The following FKTN variants were observed in gnomAD, a reference collection of about 807,000 sequenced individuals.
The protein encoded by FKTN is fukutin, also known as ribitol-5-phosphate transferase FKTN.
In FKTN, 47 loss-of-function variants were observed where a neutral mutation model predicts 58.6. The ratio of observed to expected loss-of-function variants is 0.80; its 90% CI spans 0.63 to 1.02. The LOEUF is 1.02. FKTN is among the 50% of genes least tolerant of loss of function. The pLI is 0.00. For synonymous variants in FKTN, 178 were observed against 191.9 expected, an observed-to-expected ratio of 0.93 and a Z score of 0.60; for missense variants, 516 against 537.3, an observed-to-expected ratio of 0.96 and a Z score of 0.39.
chr9:105,606,541 A>C lies in FKTN; in HGVS notation c.648-1278A>C, dbSNP rs181901044. ...TGTTACAGTCTACTTTGAATAGCAG[A>C]ATCTGATGTAAAGGTAGCAGTAAAT... On this transcript the variant is annotated intron_variant, in intron 6 of 10. Coordinates refer to ENST00000357998, the MANE Select transcript of FKTN (RefSeq NM_001079802.2). Among the ~76,000 whole-genome samples, 584 of 151,894 alleles carry C rather than the reference A, an allele frequency of 3.8e-3. 4 individuals carry two copies. Among genetic ancestry groups the C allele is most frequent in the African/African-American group, 0.013 (541 of 41,534 alleles).
intron 2 of FKTN, among the ~76,000 whole-genome samples, chr9:105,574,517 A>G (rs1841329140): frequency 6.6e-6 from 1 of 151,848 alleles, no homozygotes; most frequent in African/African-American, 2.4e-5. Context: ...AAAGCAACAA[A>G]GAGCTGTCTT....
chr9:105,558,876 A>G (rs1414577758), intron 1 of FKTN, among the ~76,000 whole-genome samples: 1 of 152,218 alleles, frequency 6.6e-6, no homozygotes, highest in African/African-American at 2.4e-5. Context: ...AAAGATATCA[A>G]ATGCAGGAAT....
chr9:105,630,202 A>T (rs1456189841), intron 10 of FKTN, among the ~76,000 whole-genome samples: 2 of 151,716 alleles, frequency 1.3e-5, no homozygotes, highest in Admixed American at 6.6e-5. Context: ...AAGTATAATT[A>T]AAAAAAAGAA....
At chr9:105,576,472 C>T (rs1251891858) in intron 3 of FKTN, among the ~76,000 whole-genome samples, 2 of 150,810 alleles carry the variant, frequency 1.3e-5, no homozygotes, top group South Asian at 2.1e-4. Flanking sequence ...CCAATTTCAT[C>T]CATGTCCCTA....
intron 3 of FKTN, among the ~76,000 whole-genome samples, chr9:105,578,594 G>A (rs535106162): frequency 1.3e-5 from 2 of 151,430 alleles, no homozygotes; most frequent in Non-Finnish European, 2.9e-5. Context: ...GAGGATTTTT[G>A]CATCAATGTT....
At chr9:105,617,392 G>A (rs1320031303) in intron 8 of FKTN, among the ~76,000 whole-genome samples, 5 of 151,942 alleles carry the variant, frequency 3.3e-5, no homozygotes, top group African/African-American at 7.3e-5. Context: ...TTTTTCATAC[G>A]GCCCATCAGG....
intron 3 of FKTN, among the ~76,000 whole-genome samples, chr9:105,596,373 A>G (rs1826805436): frequency 6.6e-6 from 1 of 152,232 alleles, no homozygotes; most frequent in Non-Finnish European, 1.5e-5. Context: ...CTTATTATTT[A>G]ATAACTTAAT....
Position 105,639,504 on chromosome 9 carries a change from C to A in FKTN, c.*4240C>A. 1 of 826,290 alleles carries A rather than the reference C, an allele frequency of 1.2e-6. No individual in the cohort carries two copies. Among genetic ancestry groups the A allele is most frequent in the Non-Finnish European group, 1.5e-6 (1 of 685,058 alleles). The allele number at this position is 826,290 out of a possible 1,614,324, so 51.2% of individuals were successfully genotyped here. A position where few individuals can be genotyped will look rare whatever the true frequency, so the allele number is the denominator to read the frequency against. Reference sequence around the variant, plus strand: ...AAGTATACAGTTCTTAGCCTCAGGCCTAGGATTAAGTAAGTACTCAAGAAA... The same window carrying A: ...AAGTATACAGTTCTTAGCCTCAGGCATAGGATTAAGTAAGTACTCAAGAAA... On this transcript the variant is annotated 3_prime_UTR_variant, in exon 11 of 11. Transcript: ENST00000357998.
chr9:105,611,811 A>G (rs1183553636), intron 7 of FKTN, among the ~76,000 whole-genome samples: 1 of 152,198 alleles, frequency 6.6e-6, no homozygotes, highest in African/African-American at 2.4e-5. Flanking sequence ...GAACACACAC[A>G]TGTATGTGTC....
Position 105,638,957 on chromosome 9 carries a change from T to A in FKTN, c.*3693T>A. On this transcript the variant is annotated 3_prime_UTR_variant, in exon 11 of 11. Coordinates refer to ENST00000357998, the MANE Select transcript of FKTN (RefSeq NM_001079802.2). ...ACCAGAGCTAAATCTGGAAAACACA[T>A]TTGGAATGAGCTTCCACACTTCAGT... The A allele has an allele frequency of 1.0e-6, 1 of 985,300 alleles. No individual in the cohort carries two copies. The highest frequency in any genetic ancestry group is 5.2e-4 in the Middle Eastern group (1 of 1,914). 61.0% of individuals were successfully genotyped at this position (985,300 alleles called of 1,614,324 possible).
chr9:105,630,787 G>C (rs910498874), intron 10 of FKTN, among the ~76,000 whole-genome samples: 2 of 152,028 alleles, frequency 1.3e-5, no homozygotes, highest in Non-Finnish European at 2.9e-5. Flanking sequence ...AACATTTTTT[G>C]ATAAATTTTA....
intron 10 of FKTN, among the ~76,000 whole-genome samples, chr9:105,632,674 G>T (rs1319911049): frequency 1.3e-5 from 2 of 151,708 alleles, no homozygotes; most frequent in Non-Finnish European, 2.9e-5. Flanking sequence ...ATCTGTGAGG[G>T]AAAAAAATGG....
intron 10 of FKTN, among the ~76,000 whole-genome samples, chr9:105,632,159 A>G (rs1399271794): frequency 1.3e-5 from 2 of 151,968 alleles, no homozygotes; most frequent in Non-Finnish European, 2.9e-5. Context: ...TCAGTAAACT[A>G]TCGCAAGAAC....
Position 105,637,417 on chromosome 9 carries a change from G to T in FKTN, c.*2153G>T. On this transcript the variant is annotated 3_prime_UTR_variant, in exon 11 of 11. Transcript: ENST00000357998. ...TGCTGAAATACTTTTCTTGTCTTCT[G>T]GTTTCACAGGCTTCAGCTCATGGGT... 2 of 985,326 alleles carry T rather than the reference G, an allele frequency of 2.0e-6. No homozygotes were observed. The highest frequency in any genetic ancestry group is 2.4e-6 in the Non-Finnish European group (2 of 829,898). 61.0% of individuals were successfully genotyped at this position (985,326 alleles called of 1,614,324 possible). A position where few individuals can be genotyped will look rare whatever the true frequency, so the allele number is the denominator to read the frequency against.
In FKTN at chr9:105,598,423, A is replaced by G. The variant is rs139453479; in HGVS notation, c.165+1766A>G. 64 of 158,378 alleles carry G rather than the reference A, an allele frequency of 4.0e-4. No homozygotes were observed. In the East Asian group the frequency reaches 0.011, roughly 27 times the overall value. The allele number at this position is 158,378 out of a possible 1,614,324, so 9.8% of individuals were successfully genotyped here. Reference sequence around the variant, plus strand: ...GACTTGGGAGCACTTAGAAAAGAAAATGATCATAATTAGGAACTAGGCTTT... The same window carrying G: ...GACTTGGGAGCACTTAGAAAAGAAAGTGATCATAATTAGGAACTAGGCTTT... On this transcript the variant is annotated intron_variant, in intron 4 of 10. Transcript: ENST00000357998.
chr9:105,590,676 G>A (rs1844708350), intron 3 of FKTN, among the ~76,000 whole-genome samples: 1 of 152,204 alleles, frequency 6.6e-6, no homozygotes. Flanking sequence ...AGATGGATGA[G>A]ACTGGGAAGA....
chr9:105,612,654 A>T lies in FKTN; in HGVS notation c.781-2624A>T, dbSNP rs1443629148. On this transcript the variant is annotated intron_variant, in intron 7 of 10. Coordinates refer to ENST00000357998, the MANE Select transcript of FKTN (RefSeq NM_001079802.2). ...TGCATGTATGCACTTTAACACATACAAGGATCAGTTCTGAGAAATGGAATT... is the reference window on the plus strand; with the variant it reads ...TGCATGTATGCACTTTAACACATACTAGGATCAGTTCTGAGAAATGGAATT... Among the ~76,000 whole-genome samples the T allele has an allele frequency of 3.3e-5, 5 of 152,246 alleles. No individual in the cohort carries two copies. The East Asian group carries it at 5.8e-4, about 18-fold the overall frequency.
rs543964401 is a variant in FKTN at position 105,581,036 on chromosome 9, C to T, written c.105+5899C>T. The stretch of plus-strand genomic sequence containing the variant: ...GCTCCATCAGCTCCTTTAAGTACTT[C>T]TCTGTATTGGTTATTCTAGTTATAC... On this transcript the variant is annotated intron_variant, in intron 3 of 10. Transcript: ENST00000357998. Among the ~76,000 whole-genome samples the T allele has an allele frequency of 1.8e-3, 267 of 146,178 alleles. 8 individuals carry two copies. The highest frequency in any genetic ancestry group is 6.6e-3 in the African/African-American group (249 of 37,496).
intron 1 of FKTN, among the ~76,000 whole-genome samples, chr9:105,573,351 T>C (rs148661283): frequency 4.6e-5 from 7 of 151,488 alleles, no homozygotes; most frequent in African/African-American, 1.5e-4. Flanking sequence ...TCAGGCTCAG[T>C]AGTAGCTCAC....
Sources: allele counts gnomAD v4.1 joint callset (sites outside exome capture counted in the v4.1 genomes callset), GRCh38; gene constraint gnomAD v4.1.1; transcripts MANE v1.5; gene names NCBI Gene and HGNC (gene_info 2026-07-23, HGNC 2026-07-21).